ZNF618: variants seen among roughly 807,000 people sequenced by gnomAD.
ZNF618 encodes zinc finger protein 618.
A neutral mutation model predicts 103.0 loss-of-function variants in ZNF618; 34 were observed. The ratio of observed to expected loss-of-function variants is 0.33; its 90% CI spans 0.25 to 0.44. ZNF618 has a LOEUF of 0.44. Among genes scored for constraint, ZNF618 ranks in the 20% least tolerant of loss-of-function variants. The pLI, the probability that ZNF618 is intolerant of heterozygous loss-of-function variation, is 1.00. For synonymous variants in ZNF618, 551 were observed against 542.2 expected (o/e 1.02, Z -0.23); for missense variants, 1,059 against 1,295.4 (o/e 0.82, Z 2.80).
Position 114,050,475 on chromosome 9 carries a change from C to CAT in ZNF618, c.*308_*309insAT, listed in dbSNP as rs970190718. On this transcript the variant is annotated 3_prime_UTR_variant, in exon 15 of 15. Coordinates refer to ENST00000374126, the MANE Select transcript of ZNF618 (RefSeq NM_001318042.2). ...ACACACACACACACACACACACACA[C>CAT]GACCCTGGTGCGTGTACATACGCCT... 7.4e-6 allele frequency: 2 copies of CAT among 271,884 alleles called. No individual in the cohort carries two copies. The highest frequency in any genetic ancestry group is 9.9e-5 in the Admixed American group (2 of 20,198). The allele number at this position is 271,884 out of a possible 1,614,324, so 16.8% of individuals were successfully genotyped here. A position where few individuals can be genotyped will look rare whatever the true frequency, so the allele number is the denominator to read the frequency against.
chr9:113,883,364 T>C (rs766618862), intron 1 of ZNF618, among the ~76,000 whole-genome samples: 2 of 152,230 alleles, frequency 1.3e-5, no homozygotes, highest in Non-Finnish European at 2.9e-5. Flanking sequence ...GTATAAAGTA[T>C]TTCTTTAAAG....
rs556869197 is a variant in ZNF618 at position 113,998,387 on chromosome 9, G to T, written c.433+33G>T. 1.2e-4 allele frequency: 191 copies of T among 1,534,338 alleles called. 1 individual carries two copies. In the South Asian group the frequency reaches 2.2e-3, roughly 17 times the overall value. On this transcript the variant is annotated intron_variant, in intron 4 of 14. Transcript: ENST00000374126. The stretch of plus-strand genomic sequence containing the variant: ...ATGGCCAAGGGGTAGTGCCTGATCC[G>T]GGGCCAGTATGGGTGGGGGCACAGC...
chr9:113,912,509 G>A (rs1191892382), intron 1 of ZNF618, among the ~76,000 whole-genome samples: 1 of 152,210 alleles, frequency 6.6e-6, no homozygotes, highest in Non-Finnish European at 1.5e-5. Flanking sequence ...GGGTTAAGCA[G>A]GCAGCAGGCA....
At chr9:114,002,158 C>A in intron 5 of ZNF618, 85 bp downstream of exon 5, 1 of 1,202,474 alleles carries the variant, frequency 8.3e-7, no homozygotes, top group Non-Finnish European at 1.2e-6. Flanking sequence ...TCGTGGGTGA[C>A]CCCAGAGGCC....
intron 1 of ZNF618, among the ~76,000 whole-genome samples, chr9:113,929,442 G>GGGA (rs1833385623): frequency 6.6e-6 from 1 of 152,186 alleles, no homozygotes; most frequent in African/African-American, 2.4e-5. Flanking sequence ...TTGTAAGGAT[G>GGGA]GGAGTGATGA....
intron 2 of ZNF618, among the ~76,000 whole-genome samples, chr9:113,970,666 C>T (rs1373165515): frequency 6.6e-6 from 1 of 151,916 alleles, no homozygotes; most frequent in East Asian, 1.9e-4. Flanking sequence ...ATGATGAATG[C>T]CCTTTCATCT....
At chr9:114,000,833 A>G (rs935198416) in intron 4 of ZNF618, among the ~76,000 whole-genome samples, 8 of 152,190 alleles carry the variant, frequency 5.3e-5, no homozygotes, top group East Asian at 3.9e-4. Context: ...CCCAGGAGGA[A>G]ATTGAGGCCC....
At chr9:113,988,713 C>G in intron 3 of ZNF618, 133 bp downstream of exon 3, 1 of 1,327,288 alleles carries the variant, frequency 7.5e-7, no homozygotes. Context: ...CCTCTGCATT[C>G]AGGGAGAGAT....
intron 2 of ZNF618, among the ~76,000 whole-genome samples, chr9:113,986,376 A>G (rs1197041196): frequency 6.6e-6 from 1 of 152,206 alleles, no homozygotes; most frequent in Non-Finnish European, 1.5e-5. Flanking sequence ...TGTATGAGTC[A>G]TCTTGGGCTG....
intron 3 of ZNF618, among the ~76,000 whole-genome samples, chr9:113,997,794 G>A (rs542364834): frequency 4.5e-4 from 68 of 152,338 alleles, no homozygotes; most frequent in Middle Eastern, 3.4e-3. Context: ...GAACAGAAGA[G>A]GGAGCGTGCT....
At chr9:114,014,769 T>TA (rs11423299) in intron 9 of ZNF618, among the ~76,000 whole-genome samples, 1 of 29,792 alleles carries the variant, frequency 3.4e-5, no homozygotes, top group African/African-American at 6.3e-5. Flanking sequence ...ACACCTAGAA[T>TA]TTTTTTTTCA....
intron 1 of ZNF618, among the ~76,000 whole-genome samples, chr9:113,921,062 T>A (rs1832596048): frequency 6.6e-6 from 1 of 152,220 alleles, no homozygotes; most frequent in South Asian, 2.1e-4. Context: ...CATGTGTCTC[T>A]TAGAACCTGA....
intron 10 of ZNF618, among the ~76,000 whole-genome samples, chr9:114,017,762 A>C (rs1052217844): frequency 6.6e-6 from 1 of 152,190 alleles, no homozygotes; most frequent in African/African-American, 2.4e-5. Flanking sequence ...TGGGGGCTGA[A>C]GCCCCTTATA....
chr9:114,027,301 A>G (rs201247613), intron 10 of ZNF618, among the ~76,000 whole-genome samples: 1 of 152,302 alleles, frequency 6.6e-6, no homozygotes, highest in East Asian at 1.9e-4. Flanking sequence ...CACAAGGGAC[A>G]CAAGTGTTTT....
Position 113,876,327 on chromosome 9 carries a change from G to A in ZNF618, c.-54G>A, listed in dbSNP as rs1204256302. 2.5e-5 allele frequency: 29 copies of A among 1,140,024 alleles called. No individual in the cohort carries two copies. The highest frequency in any genetic ancestry group is 3.0e-5 in the Non-Finnish European group (28 of 934,114). 70.6% of individuals were successfully genotyped at this position (1,140,024 alleles called of 1,614,324 possible). A position where few individuals can be genotyped will look rare whatever the true frequency, so the allele number is the denominator to read the frequency against. On this transcript the variant is annotated 5_prime_UTR_variant, in exon 1 of 15. Coordinates refer to ENST00000374126, the MANE Select transcript of ZNF618 (RefSeq NM_001318042.2). ...CGGCGGCATTGTGCGCGCACCAGCA[G>A]CCCGGCCCGGGAGGAGCAGGACGCG...
chr9:113,992,506 T>C (rs1840168622), intron 3 of ZNF618, among the ~76,000 whole-genome samples: 1 of 152,184 alleles, frequency 6.6e-6, no homozygotes, highest in South Asian at 2.1e-4. Flanking sequence ...GTTGTCCTGG[T>C]CACCGGGCAT....
intron 1 of ZNF618, among the ~76,000 whole-genome samples, chr9:113,905,925 G>A (rs1478204542): frequency 2.0e-5 from 3 of 152,114 alleles, no homozygotes; most frequent in African/African-American, 4.8e-5. Flanking sequence ...TGGGACAATC[G>A]TAGGACCCAC....
At chr9:113,879,643 T>C (rs1410005586) in intron 1 of ZNF618, among the ~76,000 whole-genome samples, 1 of 152,158 alleles carries the variant, frequency 6.6e-6, no homozygotes, top group East Asian at 1.9e-4. Flanking sequence ...TCGTAGATTA[T>C]TGGGCAAAAT....
At chr9:114,016,092 T>C in intron 9 of ZNF618, 1 of 1,572,328 alleles carries the variant, frequency 6.4e-7, no homozygotes, top group Non-Finnish European at 8.8e-7. Context: ...TATTTATCAG[T>C]ATTTTATAAT....
Sources: gnomAD v4.1 joint callset for allele counts (sites outside exome capture counted in the v4.1 genomes callset) on GRCh38, gnomAD v4.1.1 for gene constraint, MANE v1.5 for transcripts, NCBI Gene and HGNC (gene_info 2026-07-23, HGNC 2026-07-21) for gene names.